Variants in FAM186B observed in about 807,000 individuals in gnomAD.
FAM186B encodes the protein family with sequence similarity 186 member B.
FAM186B carries 68 observed loss-of-function variants against 83.4 expected under a neutral mutation model. That is an observed-to-expected ratio of 0.81 (90% CI 0.67 to 1.00). The LOEUF (loss-of-function observed/expected upper bound fraction) is 1.00. Among genes scored for constraint, FAM186B ranks in the 50% least tolerant of loss-of-function variants. The pLI is 0.00. For missense variants in FAM186B, 983 were observed against 1,099.2 expected (o/e 0.89, Z 1.49); for synonymous variants, 389 against 422.0 (o/e 0.92, Z 0.96).
At chr12:49,591,168 TGAG>T (rs1939572733) in intron 5 of FAM186B, among the ~76,000 whole-genome samples, 1 of 152,248 alleles carries the variant, frequency 6.6e-6, no homozygotes, top group South Asian at 2.1e-4. Flanking sequence ...CTTGCTGAGA[TGAG>T]GAGACAGCAT....
At chr12:49,613,274 T>C in the FAM186B span, among the ~76,000 whole-genome samples, 1 of 152,126 alleles carries the variant, frequency 6.6e-6, no homozygotes, top group Admixed American at 6.5e-5. Flanking sequence ...ACGCCTGTAA[T>C]CCCAGCACTT....
At chr12:49,585,638 C>T (rs1172258274), downstream of FAM186B, among the ~76,000 whole-genome samples, 1 of 152,192 alleles carries the variant, frequency 6.6e-6, no homozygotes, top group Non-Finnish European at 1.5e-5. Context: ...GCCGTCAGTG[C>T]TAGGCAGACC....
intron 1 of FAM186B, 154 bp from the exon 2 acceptor site, chr12:49,604,692 G>A: frequency 1.6e-6 from 1 of 608,460 alleles, no homozygotes; most frequent in South Asian, 2.2e-5. Context: ...ATGTCACAGG[G>A]TTTCTGTAAG....
chr12:49,593,818 A>G (rs974386257), intron 5 of FAM186B, among the ~76,000 whole-genome samples: 2 of 152,150 alleles, frequency 1.3e-5, no homozygotes, highest in Non-Finnish European at 2.9e-5. Context: ...ATAAAAATAA[A>G]TAGTAAAGGT....
chr12:49,608,938 G>A (rs1940059424), upstream of FAM186B, among the ~76,000 whole-genome samples: 1 of 152,122 alleles, frequency 6.6e-6, no homozygotes, highest in Admixed American at 6.6e-5. Flanking sequence ...CCAGGCCCAG[G>A]ATGCCACTTT....
chr12:49,599,524 T>G lies in FAM186B; in HGVS notation c.2116A>C (p.Arg706=). ...TACTTATGGCACAGGTACTGCAGCC[T>G]GAGCGCGCCCAGCTCCATGGTGGTG... is the stretch of plus-strand genomic sequence containing the variant. ...TTTTMELGAL[R]LQYLCHKYIF... The change falls in exon 4 of 7, where the codon AGG becomes CGG. Residue 706 remains arginine (R), a synonymous_variant. Coordinates refer to ENST00000257894, the MANE Select transcript of FAM186B (RefSeq NM_032130.3). 2 of 1,595,134 alleles carry G rather than the reference T, an allele frequency of 1.3e-6. No homozygotes were observed. Among genetic ancestry groups the G allele is most frequent in the Non-Finnish European group, 1.7e-6 (2 of 1,172,372 alleles).
At chr12:49,591,025 A>C (rs1448557555) in intron 5 of FAM186B, among the ~76,000 whole-genome samples, 1 of 152,162 alleles carries the variant, frequency 6.6e-6, no homozygotes, top group Non-Finnish European at 1.5e-5. Context: ...GCCAAACAGA[A>C]TAGATGAAAA....
the FAM186B span, among the ~76,000 whole-genome samples, chr12:49,613,526 C>CAAA: frequency 9.7e-6 from 1 of 102,784 alleles, no homozygotes. Flanking sequence ...GACTCCATCT[C>CAAA]AAAAAAAAAA....
At chr12:49,609,504 C>T (rs1459966733), upstream of FAM186B, among the ~76,000 whole-genome samples, 1 of 152,192 alleles carries the variant, frequency 6.6e-6, no homozygotes, top group African/African-American at 2.4e-5. Context: ...AAGAGGCACC[C>T]TATCCACCCC....
intron 5 of FAM186B, among the ~76,000 whole-genome samples, chr12:49,593,417 C>T (rs1030444783): frequency 2.6e-5 from 4 of 152,084 alleles, no homozygotes; most frequent in African/African-American, 4.8e-5. Context: ...GGCGGATCCC[C>T]TGAGGTTGAG....
Position 49,600,140 on chromosome 12 carries a change from C to T in FAM186B, c.1500G>A (p.Trp500Ter), listed in dbSNP as rs1939842217. Residue 500 changes from tryptophan (W) to a stop codon, truncating the protein, a stop_gained, in exon 4 of 7, where the codon TGG (tryptophan) becomes TGA (stop). Transcript: ENST00000257894. LOFTEE classifies it high-confidence loss of function. The surrounding 1 kb of genome is among the most constrained non-coding windows in gnomAD (Gnocchi z 4.3). Reference protein sequence around the residue: ...RQLWLEEEEMWQQRQKKWALL... With the variant: ...RQLWLEEEEM ...GGGCCCACTTCTTCTGCCGCTGCTGCCACATCTCCTCCTCCTCCAGCCACA... is the reference window on the plus strand; with the variant it reads ...GGGCCCACTTCTTCTGCCGCTGCTGTCACATCTCCTCCTCCTCCAGCCACA... The T allele has an allele frequency of 1.9e-6, 3 of 1,613,696 alleles. No individual in the cohort carries two copies. The highest frequency in any genetic ancestry group is 2.7e-5 in the African/African-American group (2 of 74,920).
At chr12:49,612,165 C>T in the FAM186B span, among the ~76,000 whole-genome samples, 1 of 152,016 alleles carries the variant, frequency 6.6e-6, no homozygotes, top group African/African-American at 2.4e-5. Context: ...ACAGTCTAAA[C>T]GGCCCACTTA....
At chr12:49,586,826 G>A (rs1939452608), downstream of FAM186B, among the ~76,000 whole-genome samples, 1 of 152,176 alleles carries the variant, frequency 6.6e-6, no homozygotes, top group Non-Finnish European at 1.5e-5. Flanking sequence ...GTGCGGCCAG[G>A]GATTCGCCCT....
chr12:49,609,981 C>G (rs1292610638), upstream of FAM186B, among the ~76,000 whole-genome samples: 1 of 152,196 alleles, frequency 6.6e-6, no homozygotes, highest in African/African-American at 2.4e-5. Context: ...ACAGCTGGCT[C>G]TTACTTATAA....
chr12:49,602,648 C>G (rs1277209119), intron 3 of FAM186B, among the ~76,000 whole-genome samples: 1 of 152,218 alleles, frequency 6.6e-6, no homozygotes, highest in African/African-American at 2.4e-5. Flanking sequence ...TGTGTGGGGC[C>G]ACAGCCTTTC....
Position 49,602,011 on chromosome 12 carries a change from A to G in FAM186B, c.506-877T>C, listed in dbSNP as rs751583191. Among the ~76,000 whole-genome samples, 13 of 152,342 alleles carry G rather than the reference A, an allele frequency of 8.5e-5. 1 individual carries two copies. In the Middle Eastern group the frequency reaches 0.014, roughly 159 times the overall value. On this transcript the variant is annotated intron_variant, in intron 3 of 6. Transcript: ENST00000257894. Reference sequence around the variant, plus strand: ...TCCAGAGTTTAGATTCTGCAATAAGATAACTTGGGTTTGAATCCCATCTTT... The same window carrying G: ...TCCAGAGTTTAGATTCTGCAATAAGGTAACTTGGGTTTGAATCCCATCTTT...
intron 1 of FAM186B, 166 bp downstream of exon 1, chr12:49,605,216 G>C: frequency 1.4e-6 from 2 of 1,460,034 alleles, no homozygotes; most frequent in Non-Finnish European, 1.8e-6. Context: ...TATATGCCAA[G>C]TTTAGGAGAG....
chr12:49,622,411 G>C, the FAM186B span, among the ~76,000 whole-genome samples: 4 of 152,352 alleles, frequency 2.6e-5, no homozygotes, highest in African/African-American at 7.2e-5. Flanking sequence ...GGAGGCTGAG[G>C]GAGAAGGACC....
chr12:49,606,461 C>G (rs1260918805), upstream of FAM186B, among the ~76,000 whole-genome samples: 2 of 151,406 alleles, frequency 1.3e-5, no homozygotes, highest in African/African-American at 4.9e-5. Flanking sequence ...CGCCACTACA[C>G]CCCAGCCTAG....
Sources: allele counts gnomAD v4.1 joint callset (sites outside exome capture counted in the v4.1 genomes callset), GRCh38; gene constraint gnomAD v4.1.1; non-coding constraint Gnocchi (gnomAD v3.1); transcripts MANE v1.5; gene names NCBI Gene and HGNC (gene_info 2026-07-23, HGNC 2026-07-21).